DAAM1: variants seen among roughly 807,000 people sequenced by gnomAD.
DAAM1 encodes disheveled-associated activator of morphogenesis 1.
Under a neutral mutation model 130.0 loss-of-function variants are expected in DAAM1, and 52 were observed. That is an observed-to-expected ratio of 0.40 (90% CI 0.32 to 0.50). The LOEUF is 0.50. Ranked by LOEUF, DAAM1 falls within the 20% of genes least tolerant of loss-of-function variation. DAAM1 has a pLI of 0.61. For synonymous variants in DAAM1, 452 were observed against 444.5 expected, an observed-to-expected ratio of 1.02 and a Z score of -0.21; for missense variants, 1,134 against 1,303.8, an observed-to-expected ratio of 0.87 and a Z score of 2.01.
At chr14:59,202,639 A>G (rs1428370584) in intron 1 of DAAM1, among the ~76,000 whole-genome samples, 4 of 152,222 alleles carry the variant, frequency 2.6e-5, no homozygotes, top group Non-Finnish European at 4.4e-5. Flanking sequence ...TAAAGCTCAG[A>G]TTATCCTCTG....
At chr14:59,363,244 T>C (rs531855040) in intron 22 of DAAM1, 87 of 173,662 alleles carry the variant, frequency 5.0e-4, no homozygotes, top group Non-Finnish European at 8.6e-4. Flanking sequence ...AAGAAAAAAA[T>C]CAAGGCACCA....
chr14:59,206,294 G>A (rs1566648654), intron 1 of DAAM1, among the ~76,000 whole-genome samples: 1 of 151,262 alleles, frequency 6.6e-6, no homozygotes, highest in South Asian at 2.1e-4. Context: ...TATTTTTTTT[G>A]AGACGGAGTC....
At chr14:59,253,260 T>A (rs1189126625) in intron 1 of DAAM1, among the ~76,000 whole-genome samples, 6 of 152,266 alleles carry the variant, frequency 3.9e-5, no homozygotes, top group Non-Finnish European at 7.3e-5. Context: ...GAGCTGTTAT[T>A]TGAACTTGTG....
intron 1 of DAAM1, among the ~76,000 whole-genome samples, chr14:59,243,653 A>G (rs566146904): frequency 6.6e-6 from 1 of 152,218 alleles, no homozygotes; most frequent in African/African-American, 2.4e-5. Flanking sequence ...TTTCTGCACA[A>G]CAGCCTGGAG....
At chr14:59,344,600 C>G (rs1435296614) in intron 16 of DAAM1, among the ~76,000 whole-genome samples, 1 of 152,160 alleles carries the variant, frequency 6.6e-6, no homozygotes, top group Non-Finnish European at 1.5e-5. Flanking sequence ...TTTGATCCAA[C>G]AGGACGCGTG....
At chr14:59,355,122 C>T (rs545026052) in intron 19 of DAAM1, 43 bp from the exon 20 acceptor site, 35 of 1,588,032 alleles carry the variant, frequency 2.2e-5, no homozygotes, top group South Asian at 3.4e-5. Flanking sequence ...TTTCAAACAA[C>T]GAAACACTTG....
chr14:59,239,946 A>G (rs1188268571), intron 1 of DAAM1, among the ~76,000 whole-genome samples: 1 of 152,236 alleles, frequency 6.6e-6, no homozygotes, highest in African/African-American at 2.4e-5. Context: ...TGGAAAGTCA[A>G]TCTGGCAAAA....
chr14:59,238,586 C>T (rs555698256), intron 1 of DAAM1, among the ~76,000 whole-genome samples: 1 of 152,284 alleles, frequency 6.6e-6, no homozygotes, highest in Non-Finnish European at 1.5e-5. Context: ...GCAGTTCAGC[C>T]TCTTCTTATG....
chr14:59,271,397 A>G (rs1485835449), intron 2 of DAAM1, among the ~76,000 whole-genome samples: 1 of 152,144 alleles, frequency 6.6e-6, no homozygotes, highest in East Asian at 1.9e-4. Context: ...TATAATTACT[A>G]TAGGCCTATA....
Position 59,370,468 on chromosome 14 carries a change from TCATA to T in DAAM1, c.*1611_*1614del, listed in dbSNP as rs1301105906. 1 of 152,110 alleles carries T rather than the reference TCATA, an allele frequency of 6.6e-6. No individual in the cohort carries two copies. The highest frequency in any genetic ancestry group is 1.5e-5 in the Non-Finnish European group (1 of 68,006). 9.4% of individuals were successfully genotyped at this position (152,110 alleles called of 1,614,324 possible). A position where few individuals can be genotyped will look rare whatever the true frequency, so the allele number is the denominator to read the frequency against. On this transcript the variant is annotated 3_prime_UTR_variant, in exon 25 of 25. Coordinates refer to ENST00000360909, the MANE Select transcript of DAAM1 (RefSeq NM_001270520.2). ...TACCAATGTGTGCACTGTACAGGAA[TCATA>T]CTATTTAAAAATAATTTGTATAAAC... is the stretch of plus-strand genomic sequence containing the variant.
rs191989113 is a variant in DAAM1 at position 59,325,549 on chromosome 14, C to G, written c.990-115C>G. On this transcript the variant is annotated intron_variant, in intron 8 of 24. Coordinates refer to ENST00000360909, the MANE Select transcript of DAAM1 (RefSeq NM_001270520.2). ...GCTTTCAAATTTTGTTACATTGTTC[C>G]TTTTTGAGATATCTCTGAAAAGTCA... 5.9e-4 allele frequency: 530 copies of G among 893,268 alleles called. 5 individuals carry two copies. The African/African-American group carries it at 7.8e-3, about 13-fold the overall frequency. The allele number at this position is 893,268 out of a possible 1,614,324, so 55.3% of individuals were successfully genotyped here.
At chr14:59,304,442 C>T (rs1350438334) in intron 3 of DAAM1, among the ~76,000 whole-genome samples, 1 of 152,136 alleles carries the variant, frequency 6.6e-6, no homozygotes, top group Non-Finnish European at 1.5e-5. Flanking sequence ...CTTTAGGAAC[C>T]TGGTAACTTG....
chr14:59,276,204 T>A (rs1882961810), intron 2 of DAAM1, among the ~76,000 whole-genome samples: 1 of 152,216 alleles, frequency 6.6e-6, no homozygotes, highest in Non-Finnish European at 1.5e-5. Context: ...GAGATGGTCA[T>A]TTGCTGTAAT....
chr14:59,240,290 C>T (rs899883443), intron 1 of DAAM1, among the ~76,000 whole-genome samples: 1 of 152,140 alleles, frequency 6.6e-6, no homozygotes, highest in African/African-American at 2.4e-5. Flanking sequence ...TCCTATCACG[C>T]ATATACAAAT....
chr14:59,287,571 T>C (rs1883518325), intron 2 of DAAM1, among the ~76,000 whole-genome samples: 1 of 152,190 alleles, frequency 6.6e-6, no homozygotes, highest in Non-Finnish European at 1.5e-5. Context: ...TAAACAACTT[T>C]AGTACAGTTA....
rs775669195 is a variant in DAAM1, at chr14:59,370,248, C to G, written c.*1389C>G. The G allele has an allele frequency of 7.0e-6, 1 of 142,276 alleles. No individual in the cohort carries two copies. The highest frequency in any genetic ancestry group is 1.5e-5 in the Non-Finnish European group (1 of 66,370). The allele number at this position is 142,276 out of a possible 1,614,324, so 8.8% of individuals were successfully genotyped here. A position where few individuals can be genotyped will look rare whatever the true frequency, so the allele number is the denominator to read the frequency against. The stretch of plus-strand genomic sequence containing the variant: ...TATTGATCCTGTTGTGGTTGGGTTT[C>G]CTGTGGAGAGAGTAGTTTGTCCTGT... On this transcript the variant is annotated 3_prime_UTR_variant, in exon 25 of 25. Transcript: ENST00000360909.
At chr14:59,207,607 A>G (rs978315529) in intron 1 of DAAM1, among the ~76,000 whole-genome samples, 3 of 152,232 alleles carry the variant, frequency 2.0e-5, no homozygotes, top group Admixed American at 6.5e-5. Context: ...ATTCTACTCT[A>G]TGCTTGTTGA....
At position 59,368,942 on chromosome 14, in the gene DAAM1, C is replaced by CCAAA; in HGVS notation, c.*86_*89dup. 3 of 1,330,738 alleles carry CCAAA rather than the reference C, an allele frequency of 2.3e-6. No individual in the cohort carries two copies. Among genetic ancestry groups the CCAAA allele is most frequent in the East Asian group, 2.5e-5 (1 of 40,418 alleles). The allele number at this position is 1,330,738 out of a possible 1,614,324, so 82.4% of individuals were successfully genotyped here. ...ACGTTTCATTACACTGCCTTGCAATCCAAACAGTGGCAATTTTTTCCTTCA... is the reference window on the plus strand; with the variant it reads ...ACGTTTCATTACACTGCCTTGCAATCCAAACAAACAGTGGCAATTTTTTCCTTCA... On this transcript the variant is annotated 3_prime_UTR_variant, in exon 25 of 25. Transcript: ENST00000360909.
At chr14:59,315,448 C>A in intron 4 of DAAM1, 97 bp downstream of exon 4, 2 of 1,133,330 alleles carry the variant, frequency 1.8e-6, no homozygotes, top group Non-Finnish European at 2.6e-6. Flanking sequence ...TATGACCTAC[C>A]AAATGTCAGT....
Sources: gnomAD v4.1 joint callset for allele counts (sites outside exome capture counted in the v4.1 genomes callset) on GRCh38, gnomAD v4.1.1 for gene constraint, MANE v1.5 for transcripts, NCBI Gene and HGNC (gene_info 2026-07-23, HGNC 2026-07-21) for gene names.